Variants in MYLK observed in about 807,000 individuals in gnomAD.
The protein encoded by MYLK is myosin light chain kinase, smooth muscle.
Under a neutral mutation model 203.4 loss-of-function variants are expected in MYLK, and 106 were observed. The ratio of observed to expected loss-of-function variants is 0.52; its 90% CI spans 0.45 to 0.61. MYLK has a LOEUF of 0.61. Among genes scored for constraint, MYLK ranks in the 20% least tolerant of loss-of-function variants. MYLK has a pLI of 0.00. For synonymous variants in MYLK, 867 were observed against 959.5 expected, an observed-to-expected ratio of 0.90 and a Z score of 1.78; for missense variants, 2,072 against 2,442.3, an observed-to-expected ratio of 0.85 and a Z score of 3.20.
At chr3:123,739,894 G>T in intron 6 of MYLK, 59 bp downstream of exon 6, 1 of 1,581,966 alleles carries the variant, frequency 6.3e-7, no homozygotes, top group Non-Finnish European at 8.7e-7. Context: ...GACCTATCCT[G>T]CTCAAGTCAG....
At chr3:123,714,816 T>C (rs995057071) in intron 13 of MYLK, among the ~76,000 whole-genome samples, 1 of 152,166 alleles carries the variant, frequency 6.6e-6, no homozygotes, top group African/African-American at 2.4e-5. Context: ...ACTGCCACTG[T>C]CCCATTTTGA....
At chr3:123,806,910 C>T (rs2065388477) in intron 3 of MYLK, among the ~76,000 whole-genome samples, 1 of 151,938 alleles carries the variant, frequency 6.6e-6, no homozygotes, top group Non-Finnish European at 1.5e-5. Context: ...GGTGATCCAC[C>T]CACCTCGGCC....
At chr3:123,856,471 C>T (rs550563997) in intron 2 of MYLK, among the ~76,000 whole-genome samples, 19 of 152,292 alleles carry the variant, frequency 1.2e-4, no homozygotes, top group African/African-American at 4.3e-4. Context: ...AGCCAGTTTT[C>T]CATTTAACTA....
At position 123,730,869 on chromosome 3, in the gene MYLK, C is replaced by T. The variant is rs150492578; in HGVS notation, c.1516+2027G>A. On this transcript the variant is annotated intron_variant, in intron 11 of 33. Coordinates refer to ENST00000360304, the MANE Select transcript of MYLK (RefSeq NM_053025.4). ...CACAACTCTGTGAATATATTAAAAA[C>T]CACTGAATTGTGTACTTTAAAAGGG... 1.5e-4 allele frequency among the ~76,000 whole-genome samples: 23 copies of T among 152,214 alleles called. No homozygotes were observed. In the East Asian group the frequency reaches 1.7e-3, roughly 11 times the overall value.
At chr3:123,660,345 T>C (rs1206313220) in intron 23 of MYLK, among the ~76,000 whole-genome samples, 1 of 152,166 alleles carries the variant, frequency 6.6e-6, no homozygotes, top group East Asian at 1.9e-4. Flanking sequence ...TATTTGGGGA[T>C]TATTGGGTAT....
intron 4 of MYLK, among the ~76,000 whole-genome samples, chr3:123,790,522 C>A (rs988448734): frequency 1.3e-5 from 2 of 152,138 alleles, no homozygotes; most frequent in African/African-American, 4.8e-5. Context: ...AGGCTTGAAC[C>A]CCCAGGGGGT....
chr3:123,620,260 G>C lies in MYLK; in HGVS notation c.5315C>G (p.Ser1772Cys), dbSNP rs974834451. 6.2e-7 allele frequency: 1 copy of C among 1,614,150 alleles called. No individual in the cohort carries two copies. Residue 1772 changes from serine (S) to cysteine (C), a missense_variant, in exon 32 of 34, where the codon TCC becomes TGC. Physicochemically the swap from Ser to Cys is moderately radical, Grantham distance 112 (BLOSUM62 -1). This residue lies in a region of MYLK where 524 missense variants were observed against 782.4 expected (regional missense o/e 0.67). Coordinates refer to ENST00000360304, the MANE Select transcript of MYLK (RefSeq NM_053025.4). Reference protein sequence around the residue: ...AMISGLSGRKSSTGSPTSPLN... With the variant: ...AMISGLSGRKCSTGSPTSPLN... Reference sequence around the variant, plus strand: ...CGGGCTGGTTGGTGACCCTGTTGAGGATTTCCTGCCACTGAGCCCTGAGAT... The same window carrying C: ...CGGGCTGGTTGGTGACCCTGTTGAGCATTTCCTGCCACTGAGCCCTGAGAT...
Position 123,681,010 on chromosome 3 carries a change from AC to A in MYLK, c.3652+1213del, listed in dbSNP as rs2060244898. ...TTCTGCCTTTATAGCCCCCTCCTCC[AC>A]CAAAAAAAAGTAAATAGATTTAATT... On this transcript the variant is annotated intron_variant, in intron 20 of 33. Coordinates refer to ENST00000360304, the MANE Select transcript of MYLK (RefSeq NM_053025.4). 3 of 126,628 alleles carry A rather than the reference AC, an allele frequency of 2.4e-5. No homozygotes were observed. In the South Asian group the frequency reaches 8.4e-4, roughly 36 times the overall value. The allele number at this position is 126,628 out of a possible 1,614,324, so 7.8% of individuals were successfully genotyped here.
At chr3:123,821,092 C>A (rs2109298953) in intron 3 of MYLK, among the ~76,000 whole-genome samples, 1 of 152,222 alleles carries the variant, frequency 6.6e-6, no homozygotes, top group South Asian at 2.1e-4. Flanking sequence ...CTCCCCACTA[C>A]AAAATTGGTA....
At chr3:123,764,363 G>A (rs959911075) in intron 4 of MYLK, among the ~76,000 whole-genome samples, 1 of 152,144 alleles carries the variant, frequency 6.6e-6, no homozygotes, top group Non-Finnish European at 1.5e-5. Flanking sequence ...TCATGGTAGA[G>A]GGATTGAAAT....
At chr3:123,730,653 C>T (rs1413656974) in intron 11 of MYLK, among the ~76,000 whole-genome samples, 1 of 152,184 alleles carries the variant, frequency 6.6e-6, no homozygotes, top group African/African-American at 2.4e-5. Context: ...AAGCCAGACA[C>T]AAAAGGCCAC....
intron 2 of MYLK, among the ~76,000 whole-genome samples, chr3:123,854,903 A>T (rs1384906175): frequency 6.6e-6 from 1 of 152,142 alleles, no homozygotes; most frequent in Non-Finnish European, 1.5e-5. Flanking sequence ...AACACAGAAA[A>T]GTTACTCCTC....
intron 3 of MYLK, among the ~76,000 whole-genome samples, chr3:123,825,723 A>G (rs1395333788): frequency 6.6e-6 from 1 of 152,104 alleles, no homozygotes; most frequent in Non-Finnish European, 1.5e-5. Flanking sequence ...CCTTACACCA[A>G]GCTTATGTGG....
At chr3:123,844,428 G>C (rs1437136596) in intron 2 of MYLK, among the ~76,000 whole-genome samples, 1 of 152,172 alleles carries the variant, frequency 6.6e-6, no homozygotes, top group Non-Finnish European at 1.5e-5. Context: ...GCTCTTTCAA[G>C]AGTAAAAGTT....
At position 123,637,342 on chromosome 3, in the gene MYLK, T is replaced by C. The variant is rs527752857; in HGVS notation, c.4961+729A>G. On this transcript the variant is annotated intron_variant, in intron 29 of 33. Coordinates refer to ENST00000360304, the MANE Select transcript of MYLK (RefSeq NM_053025.4). The stretch of plus-strand genomic sequence containing the variant: ...GCACATTCACAAACCTAGAGCCTGT[T>C]AGAAATGTGGCATTCCAGGTCACCC... Among the ~76,000 whole-genome samples the C allele has an allele frequency of 7.2e-5, 11 of 152,254 alleles. No homozygotes were observed. In the East Asian group the frequency reaches 2.1e-3, roughly 29 times the overall value.
intron 3 of MYLK, among the ~76,000 whole-genome samples, chr3:123,798,854 G>T (rs563009055): frequency 6.6e-6 from 1 of 152,070 alleles, no homozygotes; most frequent in Admixed American, 6.5e-5. Context: ...ACAATTAATG[G>T]TTACTGACAT....
In MYLK at chr3:123,626,696, A is replaced by T. The variant is rs1376170435; in HGVS notation, c.5238+122T>A. 7.6e-6 allele frequency: 11 copies of T among 1,448,960 alleles called. No homozygotes were observed. The East Asian group carries it at 2.5e-4, about 33-fold the overall frequency. The allele number at this position is 1,448,960 out of a possible 1,614,324, so 89.8% of individuals were successfully genotyped here. On this transcript the variant is annotated intron_variant, in intron 31 of 33. Coordinates refer to ENST00000360304, the MANE Select transcript of MYLK (RefSeq NM_053025.4). ...AATCAGCTGCCTAAATTGGTCCCAG[A>T]CTACTTCAGAAATAAATTTAAACTT...
chr3:123,621,319 G>A (rs948493793), intron 31 of MYLK: 2 of 152,156 alleles, frequency 1.3e-5, no homozygotes, highest in African/African-American at 4.8e-5. Flanking sequence ...TGCACCCAAA[G>A]CATCTTTTTT....
At chr3:123,635,221 G>C (rs973542299) in intron 29 of MYLK, among the ~76,000 whole-genome samples, 3 of 152,394 alleles carry the variant, frequency 2.0e-5, no homozygotes, top group Admixed American at 2.0e-4. Context: ...GAGAGGGATA[G>C]AGTGGGCCAG....
Sources: allele counts gnomAD v4.1 joint callset (sites outside exome capture counted in the v4.1 genomes callset), GRCh38; gene constraint gnomAD v4.1.1; regional missense constraint gnomAD v4.1.1; transcripts MANE v1.5; gene names NCBI Gene and HGNC (gene_info 2026-07-23, HGNC 2026-07-21).